The following PPM1H variants were observed in gnomAD, a reference collection of about 807,000 sequenced individuals.
PPM1H encodes protein phosphatase 1H.
A neutral mutation model predicts 54.9 loss-of-function variants in PPM1H; 27 were observed. That is an observed-to-expected ratio of 0.49 (90% CI 0.36 to 0.68). PPM1H has a LOEUF of 0.68. PPM1H is among the 30% of genes least tolerant of loss of function. The pLI is 0.00. For missense variants in PPM1H, 596 were observed against 667.8 expected, an observed-to-expected ratio of 0.89 and a Z score of 1.19; for synonymous variants, 305 against 270.8, an observed-to-expected ratio of 1.13 and a Z score of -1.24.
At chr12:62,694,224 G>C (rs1461121738) in intron 6 of PPM1H, among the ~76,000 whole-genome samples, 1 of 152,132 alleles carries the variant, frequency 6.6e-6, no homozygotes, top group African/African-American at 2.4e-5. Context: ...GAGGAAATAA[G>C]TTGGCATATG....
At chr12:62,921,304 G>A (rs908111750) in intron 1 of PPM1H, among the ~76,000 whole-genome samples, 1 of 151,998 alleles carries the variant, frequency 6.6e-6, no homozygotes, top group Non-Finnish European at 1.5e-5. Context: ...AAGATCACAG[G>A]GTAAAGATGC....
intron 6 of PPM1H, among the ~76,000 whole-genome samples, chr12:62,705,005 A>C (rs902154750): frequency 1.3e-5 from 2 of 152,228 alleles, no homozygotes; most frequent in Non-Finnish European, 1.5e-5. Context: ...AGCAAGAGGC[A>C]ACAGAGATTG....
intron 4 of PPM1H, 71 bp from the exon 5 acceptor site, chr12:62,737,657 G>C (rs1463660729): frequency 9.1e-7 from 1 of 1,102,198 alleles, no homozygotes; most frequent in Non-Finnish European, 1.3e-6. Flanking sequence ...ACCATTGCTT[G>C]GTTCAGGTCA....
intron 1 of PPM1H, among the ~76,000 whole-genome samples, chr12:62,924,532 G>A (rs1871912020): frequency 6.6e-6 from 1 of 152,192 alleles, no homozygotes; most frequent in African/African-American, 2.4e-5. Flanking sequence ...AAGTGCATAA[G>A]GAGATGCGAA....
intron 1 of PPM1H, among the ~76,000 whole-genome samples, chr12:62,840,388 G>T (rs912807947): frequency 6.6e-6 from 1 of 152,150 alleles, no homozygotes; most frequent in Non-Finnish European, 1.5e-5. Flanking sequence ...TGGCGGTGAG[G>T]ATTTCAACAT....
rs962858589 is a variant in PPM1H at position 62,801,814 on chromosome 12, A to G, written c.756+2T>C. 6.2e-7 allele frequency: 1 copy of G among 1,613,474 alleles called. No homozygotes were observed. The highest frequency in any genetic ancestry group is 2.2e-5 in the East Asian group (1 of 44,832). On this transcript the variant is annotated splice_donor_variant, in intron 3 of 9. Transcript: ENST00000228705. LOFTEE classifies it high-confidence loss of function. The stretch of plus-strand genomic sequence containing the variant: ...CTGCCCCAGACTCCCAGGAATACCT[A>G]CCATTTCCTTGAATGCACTTTCAAG...
intron 1 of PPM1H, among the ~76,000 whole-genome samples, chr12:62,858,424 T>A (rs558197693): frequency 1.3e-5 from 2 of 151,588 alleles, no homozygotes; most frequent in African/African-American, 4.9e-5. Context: ...CCCTGCCAAG[T>A]GTAACTGCAA....
chr12:62,842,497 A>C (rs1868789747), intron 1 of PPM1H, among the ~76,000 whole-genome samples: 1 of 152,244 alleles, frequency 6.6e-6, no homozygotes. Context: ...CAGACTTCAG[A>C]TAAAACATAT....
chr12:62,694,753 A>C (rs1371551667), intron 6 of PPM1H, among the ~76,000 whole-genome samples: 1 of 152,176 alleles, frequency 6.6e-6, no homozygotes, highest in Non-Finnish European at 1.5e-5. Context: ...ATGTAGCTTC[A>C]CCTTTTTCAG....
intron 6 of PPM1H, among the ~76,000 whole-genome samples, chr12:62,707,921 G>C (rs7136083): frequency 0.064 from 9,782 of 152,204 alleles, 759 homozygotes; most frequent in African/African-American, 0.18. Context: ...TACCCTGGAA[G>C]ACTGACAAGG....
intron 2 of PPM1H, among the ~76,000 whole-genome samples, chr12:62,810,147 G>C (rs1337505202): frequency 1.3e-5 from 2 of 152,090 alleles, no homozygotes; most frequent in African/African-American, 4.8e-5. Context: ...AGGAGAGAAT[G>C]GTTTTTATTT....
intron 8 of PPM1H, 130 bp from the exon 9 acceptor site, chr12:62,667,459 C>T (rs1239823211): frequency 2.5e-6 from 2 of 799,248 alleles, no homozygotes; most frequent in African/African-American, 1.7e-5. Flanking sequence ...TTGTAGGGTA[C>T]TTGATTATAC....
At chr12:62,812,699 C>T (rs1480897549) in intron 2 of PPM1H, among the ~76,000 whole-genome samples, 1 of 151,472 alleles carries the variant, frequency 6.6e-6, no homozygotes, top group Non-Finnish European at 1.5e-5. Context: ...AGTAGGCTCA[C>T]TATCACATTC....
rs191995502 is a variant in PPM1H, at chr12:62,837,752, A to T, written c.246-5473T>A. Among the ~76,000 whole-genome samples the T allele has an allele frequency of 7.2e-5, 11 of 152,336 alleles. 1 individual carries two copies. In the East Asian group the frequency reaches 2.1e-3, roughly 29 times the overall value. ...GTAAGCACTTAAAATATGTTATTTA[A>T]TAATAATACACCAAATGCAAAGCTA... On this transcript the variant is annotated intron_variant, in intron 1 of 9. Transcript: ENST00000228705.
chr12:62,926,455 A>T (rs1454335985), intron 1 of PPM1H, among the ~76,000 whole-genome samples: 3 of 152,184 alleles, frequency 2.0e-5, no homozygotes, highest in African/African-American at 7.2e-5. Context: ...TATGAAATAG[A>T]AGCCATAGAG....
intron 4 of PPM1H, among the ~76,000 whole-genome samples, chr12:62,775,652 T>C (rs1447699462): frequency 3.3e-5 from 5 of 152,204 alleles, no homozygotes; most frequent in Non-Finnish European, 7.3e-5. Flanking sequence ...CCCTCTTGGT[T>C]ATTATAAGAG....
chr12:62,821,109 G>C (rs561412913), intron 2 of PPM1H, among the ~76,000 whole-genome samples: 1 of 152,250 alleles, frequency 6.6e-6, no homozygotes, highest in South Asian at 2.1e-4. Flanking sequence ...CGTGGCAAGA[G>C]AACTACGTAA....
At chr12:62,803,374 G>A (rs2076784085) in intron 2 of PPM1H, among the ~76,000 whole-genome samples, 1 of 152,160 alleles carries the variant, frequency 6.6e-6, no homozygotes, top group South Asian at 2.1e-4. Flanking sequence ...ATAGAATAGA[G>A]AGCTCAGAAA....
intron 1 of PPM1H, among the ~76,000 whole-genome samples, chr12:62,888,791 C>T (rs1870680545): frequency 1.3e-5 from 2 of 152,234 alleles, no homozygotes; most frequent in Admixed American, 6.5e-5. Context: ...GGCATTTACC[C>T]AGATTTTCCC....
Sources: gnomAD v4.1 joint callset for allele counts (sites outside exome capture counted in the v4.1 genomes callset) on GRCh38, gnomAD v4.1.1 for gene constraint, MANE v1.5 for transcripts, NCBI Gene and HGNC (gene_info 2026-07-23, HGNC 2026-07-21) for gene names.